SAMD5: variants seen among roughly 807,000 people sequenced by gnomAD.
The protein encoded by SAMD5 is sterile alpha motif domain-containing protein 5.
In SAMD5, 13 loss-of-function variants were observed where a neutral mutation model predicts 11.3. The observed-to-expected ratio is 1.15, with a 90% CI of 0.75 to 1.83. The LOEUF is 1.83. Ranked by LOEUF, SAMD5 falls within the 40% of genes most tolerant of loss-of-function variation. The pLI is 0.00. For missense variants in SAMD5, 255 were observed against 239.1 expected (o/e 1.07, Z -0.44); for synonymous variants, 129 against 111.3 (o/e 1.16, Z -1.00).
At chr6:147,655,520 C>A (rs530545187) in intron 1 of SAMD5, among the ~76,000 whole-genome samples, 14 of 152,198 alleles carry the variant, frequency 9.2e-5, no homozygotes, top group African/African-American at 3.1e-4. Flanking sequence ...AAAAACAAAT[C>A]TGTACACAGA....
At chr6:147,690,622 C>T (rs972518424) in intron 1 of SAMD5, among the ~76,000 whole-genome samples, 1 of 152,174 alleles carries the variant, frequency 6.6e-6, no homozygotes, top group Non-Finnish European at 1.5e-5. Context: ...GCACTCCATC[C>T]TGGGTGACAG....
chr6:147,543,429 A>G (rs1017758834), intron 1 of SAMD5, among the ~76,000 whole-genome samples: 2 of 152,108 alleles, frequency 1.3e-5, no homozygotes, highest in Admixed American at 1.3e-4. Flanking sequence ...TAAATTAAAA[A>G]CAATTTACTA....
the SAMD5 span, among the ~76,000 whole-genome samples, chr6:147,762,387 CG>C: frequency 6.6e-6 from 1 of 151,048 alleles, no homozygotes; most frequent in Non-Finnish European, 1.5e-5. Flanking sequence ...TTAGTAGAGA[CG>C]GGGTGTCACC....
chr6:147,844,112 C>G, the SAMD5 span, among the ~76,000 whole-genome samples: 2 of 152,030 alleles, frequency 1.3e-5, no homozygotes, highest in East Asian at 1.9e-4. Flanking sequence ...GGGCTAATAT[C>G]CAAAATACAT....
intron 1 of SAMD5, among the ~76,000 whole-genome samples, chr6:147,695,594 A>G (rs1022601070): frequency 6.6e-6 from 1 of 152,234 alleles, no homozygotes; most frequent in Non-Finnish European, 1.5e-5. Context: ...TTAAAAAACT[A>G]TCAGTGTTAT....
intron 1 of SAMD5, among the ~76,000 whole-genome samples, chr6:147,676,890 A>T (rs748522602): frequency 6.6e-6 from 1 of 151,146 alleles, no homozygotes; most frequent in Non-Finnish European, 1.5e-5. Flanking sequence ...TGAAATACAG[A>T]ATTGAGGGAG....
the SAMD5 span, among the ~76,000 whole-genome samples, chr6:147,844,831 C>T: frequency 2.0e-5 from 3 of 152,050 alleles, no homozygotes; most frequent in African/African-American, 7.2e-5. Flanking sequence ...ACAGTGGTTA[C>T]CAGAGACTAG....
chr6:147,725,354 G>C (rs1282423001), intron 1 of SAMD5, among the ~76,000 whole-genome samples: 1 of 150,878 alleles, frequency 6.6e-6, no homozygotes. Flanking sequence ...TGTGGGGGGT[G>C]GACTAGCCTC....
the SAMD5 span, among the ~76,000 whole-genome samples, chr6:147,746,007 G>C: frequency 6.6e-6 from 1 of 152,136 alleles, no homozygotes; most frequent in Admixed American, 6.5e-5. Flanking sequence ...CTCCCAGGGT[G>C]CTGGGATTAC....
the SAMD5 span, among the ~76,000 whole-genome samples, chr6:147,913,043 C>T: frequency 1.3e-5 from 2 of 152,230 alleles, no homozygotes; most frequent in African/African-American, 4.8e-5. Flanking sequence ...TAGGAAGCAT[C>T]ACTCTCTATC....
At chr6:147,792,702 C>T in the SAMD5 span, among the ~76,000 whole-genome samples, 1 of 152,176 alleles carries the variant, frequency 6.6e-6, no homozygotes, top group African/African-American at 2.4e-5. Flanking sequence ...CAAGATGAGC[C>T]TGTAGCATTT....
At chr6:147,778,826 T>C in the SAMD5 span, among the ~76,000 whole-genome samples, 2 of 151,524 alleles carry the variant, frequency 1.3e-5, no homozygotes, top group Admixed American at 1.3e-4. Context: ...TTCTGGTTTG[T>C]CTCCTTTGCC....
the SAMD5 span, among the ~76,000 whole-genome samples, chr6:147,771,056 T>C: frequency 5.9e-5 from 9 of 152,318 alleles, no homozygotes; most frequent in African/African-American, 2.2e-4. Context: ...TGGGAGGACA[T>C]CTTGCTAACT....
chr6:147,752,523 A>G, the SAMD5 span, among the ~76,000 whole-genome samples: 1 of 152,216 alleles, frequency 6.6e-6, no homozygotes. Flanking sequence ...TGGTATTGAT[A>G]GAGATATTTT....
the SAMD5 span, among the ~76,000 whole-genome samples, chr6:147,928,566 T>C: frequency 3.9e-5 from 6 of 152,164 alleles, no homozygotes; most frequent in Admixed American, 2.0e-4. Flanking sequence ...TTTTCTTCTT[T>C]ATTAGTCTAG....
chr6:147,809,188 A>T, the SAMD5 span, among the ~76,000 whole-genome samples: 1 of 151,970 alleles, frequency 6.6e-6, no homozygotes, highest in Admixed American at 6.6e-5. Context: ...TTCTGCATAC[A>T]TTATTTTCTC....
At chr6:147,685,492 C>A (rs74477341) in intron 1 of SAMD5, among the ~76,000 whole-genome samples, 2,802 of 152,264 alleles carry the variant, frequency 0.018, 56 homozygotes, top group South Asian at 0.071. Flanking sequence ...AATTTGAAGT[C>A]TTTTGCTGGA....
chr6:147,697,706 G>T (rs1158094881), intron 1 of SAMD5, among the ~76,000 whole-genome samples: 1 of 152,180 alleles, frequency 6.6e-6, no homozygotes, highest in African/African-American at 2.4e-5. Context: ...GAGGAGCAAG[G>T]AAACAATCAT....
chr6:147,865,250 G>C, the SAMD5 span, among the ~76,000 whole-genome samples: 4 of 151,948 alleles, frequency 2.6e-5, no homozygotes, highest in Admixed American at 1.3e-4. Context: ...GTGTGTGTGT[G>C]TATGTGTGTA....
Sources: gnomAD v4.1 joint callset for allele counts (sites outside exome capture counted in the v4.1 genomes callset) on GRCh38, gnomAD v4.1.1 for gene constraint, MANE v1.5 for transcripts, NCBI Gene and HGNC (gene_info 2026-07-23, HGNC 2026-07-21) for gene names.